The following SYNPO2 variants were observed in gnomAD, a reference collection of about 807,000 sequenced individuals.
SYNPO2 encodes the protein synaptopodin-2.
SYNPO2 carries 56 observed loss-of-function variants against 85.0 expected under a neutral mutation model. The ratio of observed to expected loss-of-function variants is 0.66; its 90% confidence interval spans 0.53 to 0.82. The LOEUF is 0.82. SYNPO2 is among the 40% of genes least tolerant of loss of function. The probability of loss-of-function intolerance (pLI) is 0.00; values close to 1 mark genes in which losing one functional copy is unlikely to be tolerated. For missense variants in SYNPO2, 1,575 were observed against 1,534.2 expected, an observed-to-expected ratio of 1.03 and a Z score of -0.44; for synonymous variants, 602 against 591.1, an observed-to-expected ratio of 1.02 and a Z score of -0.27.
intron 1 of SYNPO2, among the ~76,000 whole-genome samples, chr4:118,867,172 G>C (rs920212580): frequency 1.3e-5 from 2 of 151,818 alleles, no homozygotes; most frequent in African/African-American, 2.4e-5. Context: ...ATGACCCCTG[G>C]GCCATAGTTT....
At chr4:118,889,175 TAGGA>T (rs760668549) in intron 1 of SYNPO2, 34 bp downstream of exon 1, 5 of 1,595,588 alleles carry the variant, frequency 3.1e-6, no homozygotes, top group Non-Finnish European at 4.3e-6. Context: ...GGCTCTGTGC[TAGGA>T]AGGAAGGAAT....
chr4:119,028,274 C>T (rs1368169340), intron 3 of SYNPO2, among the ~76,000 whole-genome samples: 7 of 146,804 alleles, frequency 4.8e-5, no homozygotes, highest in Non-Finnish European at 7.4e-5. Context: ...GATGTAAAGG[C>T]TGACAGGCAA....
chr4:118,868,382 A>C (rs1731741273), intron 1 of SYNPO2, among the ~76,000 whole-genome samples: 2 of 152,166 alleles, frequency 1.3e-5, no homozygotes. Context: ...CAATTTGTGC[A>C]AATTTTCATG....
chr4:118,981,182 A>G (rs932228603), intron 1 of SYNPO2, among the ~76,000 whole-genome samples: 6 of 152,204 alleles, frequency 3.9e-5, no homozygotes, highest in Non-Finnish European at 7.3e-5. Flanking sequence ...ACCACAAACA[A>G]TGCAACAAAC....
chr4:119,037,211 C>A, intron 4 of SYNPO2: 1 of 1,525,130 alleles, frequency 6.6e-7, no homozygotes, highest in Non-Finnish European at 8.8e-7. Flanking sequence ...CTCAAAATAA[C>A]AACATTCAAA....
chr4:118,978,808 C>T (rs1735892038), intron 1 of SYNPO2, among the ~76,000 whole-genome samples: 1 of 148,510 alleles, frequency 6.7e-6, no homozygotes, highest in African/African-American at 2.5e-5. Context: ...CACACACACA[C>T]ACACACACAC....
In SYNPO2 at chr4:118,882,293, T is replaced by C. The variant is rs563188581; in HGVS notation, c.12+31353T>C. Among the ~76,000 whole-genome samples, 10 of 152,140 alleles carry C rather than the reference T, an allele frequency of 6.6e-5. No individual in the cohort carries two copies. In the South Asian group the frequency reaches 1.2e-3, roughly 19 times the overall value. The stretch of plus-strand genomic sequence containing the variant: ...AATCACAACCCATGAGAAAATGATT[T>C]GATTCCTTAAAAAATATAGAAGCTA... On this transcript the variant is annotated intron_variant, in intron 1 of 4. Transcript: ENST00000610556.
At chr4:119,042,221 T>C (rs1738738530) in intron 4 of SYNPO2, 1 of 152,006 alleles carries the variant, frequency 6.6e-6, no homozygotes, top group African/African-American at 2.4e-5. Context: ...CAATTTGCTT[T>C]GAATATTCTT....
intron 1 of SYNPO2, among the ~76,000 whole-genome samples, chr4:118,876,175 C>T (rs925954393): frequency 6.6e-6 from 1 of 152,142 alleles, no homozygotes; most frequent in Non-Finnish European, 1.5e-5. Context: ...GCTTCGTCAA[C>T]GTTGTATTAA....
At chr4:119,032,452 T>C in intron 4 of SYNPO2, 1 of 1,056,464 alleles carries the variant, frequency 9.5e-7, no homozygotes, top group Non-Finnish European at 1.1e-6. Flanking sequence ...AGGTATAACC[T>C]ATATTGACTG....
chr4:118,981,761 A>G (rs1736016321), intron 1 of SYNPO2, among the ~76,000 whole-genome samples: 1 of 152,130 alleles, frequency 6.6e-6, no homozygotes, highest in East Asian at 1.9e-4. Flanking sequence ...GCTGTCGTCC[A>G]TTTTACTCCT....
In SYNPO2 at chr4:118,907,059, C is replaced by T. The variant is rs537575086; in HGVS notation, c.105+17918C>T. Among the ~76,000 whole-genome samples, 4 of 152,142 alleles carry T rather than the reference C, an allele frequency of 2.6e-5. No homozygotes were observed. The East Asian group carries it at 7.7e-4, about 29-fold the overall frequency. The stretch of plus-strand genomic sequence containing the variant: ...TGAAATCCTAGTTTCAAGCTATTCT[C>T]CCACCTCAGCCTTCCGAAGTGCTGG... On this transcript the variant is annotated intron_variant, in intron 1 of 4. Coordinates refer to ENST00000307142, the MANE Select transcript of SYNPO2 (RefSeq NM_133477.3).
At chr4:118,973,181 T>G (rs1735598785) in intron 1 of SYNPO2, among the ~76,000 whole-genome samples, 1 of 152,232 alleles carries the variant, frequency 6.6e-6, no homozygotes, top group African/African-American at 2.4e-5. Flanking sequence ...TTCTATATTA[T>G]TATGTGAATT....
intron 4 of SYNPO2, among the ~76,000 whole-genome samples, chr4:119,055,476 C>T (rs2149201977): frequency 6.6e-6 from 1 of 152,294 alleles, no homozygotes; most frequent in African/African-American, 2.4e-5. Flanking sequence ...CTGTAATTGA[C>T]TTAATTCAGC....
At chr4:118,907,066 C>T (rs934407695) in intron 1 of SYNPO2, among the ~76,000 whole-genome samples, 3 of 152,074 alleles carry the variant, frequency 2.0e-5, no homozygotes, top group African/African-American at 7.2e-5. Context: ...TCTCCCACCT[C>T]AGCCTTCCGA....
At chr4:118,861,148 C>A in intron 1 of SYNPO2, among the ~76,000 whole-genome samples, 1 of 151,948 alleles carries the variant, frequency 6.6e-6, no homozygotes, top group Non-Finnish European at 1.5e-5. Flanking sequence ...TTTCTTTAAA[C>A]AGTTTCATAG....
At chr4:118,936,963 A>G (rs1424613117) in intron 1 of SYNPO2, among the ~76,000 whole-genome samples, 3 of 152,076 alleles carry the variant, frequency 2.0e-5, no homozygotes, top group East Asian at 3.9e-4. Context: ...TACACTTCAC[A>G]TACACTCTCT....
chr4:118,935,785 G>C (rs1223006792), intron 1 of SYNPO2, among the ~76,000 whole-genome samples: 1 of 152,184 alleles, frequency 6.6e-6, no homozygotes, highest in African/African-American at 2.4e-5. Context: ...ATTATAAACT[G>C]TATTTTTACA....
chr4:118,871,802 C>T lies in SYNPO2; in HGVS notation c.12+20862C>T, dbSNP rs182011960. 1.5e-4 allele frequency among the ~76,000 whole-genome samples: 23 copies of T among 152,282 alleles called. No individual in the cohort carries two copies. The East Asian group carries it at 4.5e-3, about 29-fold the overall frequency. Reference sequence around the variant, plus strand: ...GCCAGGATGATCTCGATCTCCTGACCTCGTAATCCGCCCGCCTTGGCCTCC... The same window carrying T: ...GCCAGGATGATCTCGATCTCCTGACTTCGTAATCCGCCCGCCTTGGCCTCC... On this transcript the variant is annotated intron_variant, in intron 1 of 4. Coordinates refer to the SYNPO2 transcript ENST00000610556.
Sources: gnomAD v4.1 joint callset for allele counts (sites outside exome capture counted in the v4.1 genomes callset) on GRCh38, gnomAD v4.1.1 for gene constraint, MANE v1.5 for transcripts, NCBI Gene and HGNC (gene_info 2026-07-23, HGNC 2026-07-21) for gene names.